MFN2: variants seen among roughly 807,000 people sequenced by gnomAD.
MFN2 encodes mitofusin 2.
MFN2 carries 43 observed loss-of-function variants against 87.5 expected under a neutral mutation model. That is an observed-to-expected ratio of 0.49 (90% CI 0.38 to 0.63). MFN2 has a LOEUF of 0.63. MFN2 is among the 30% of genes least tolerant of loss of function. The probability of loss-of-function intolerance (pLI) is 0.00; values close to 1 mark genes in which losing one functional copy is unlikely to be tolerated. For missense variants in MFN2, 743 were observed against 972.8 expected (o/e 0.76, Z 3.14); for synonymous variants, 337 against 359.9 (o/e 0.94, Z 0.72).
intron 15 of MFN2, 140 bp from the exon 16 acceptor site, chr1:12,006,398 G>A (rs1480698488): frequency 5.3e-6 from 6 of 1,123,006 alleles, no homozygotes; most frequent in Non-Finnish European, 5.1e-6. Context: ...TACATCTGAA[G>A]CTAGTTGTCC....
chr1:12,009,625 G>A lies in MFN2; in HGVS notation c.2103G>A (p.Gln701=). 2 of 1,614,232 alleles carry A rather than the reference G, an allele frequency of 1.2e-6. No homozygotes were observed. Among genetic ancestry groups the A allele is most frequent in the Non-Finnish European group, 1.7e-6 (2 of 1,180,040 alleles). ...ELSGTFAHLC[Q]QVDVTRENLE... ...CTGGGACCTTTGCTCATCTGTGTCAGCAAGTTGACGTCACCCGGGAGAACC... is the reference window on the plus strand; with the variant it reads ...CTGGGACCTTTGCTCATCTGTGTCAACAAGTTGACGTCACCCGGGAGAACC... Residue 701 remains glutamine, a synonymous_variant, in exon 18 of 19, where the codon CAG becomes CAA. Coordinates refer to ENST00000235329, the MANE Select transcript of MFN2 (RefSeq NM_014874.4).
chr1:11,991,923 C>CAAAAAAAAA (rs35314016), intron 3 of MFN2, among the ~76,000 whole-genome samples: 194 of 16,716 alleles, frequency 0.012, 12 homozygotes, highest in Non-Finnish European at 0.015. Flanking sequence ...GACTCCGTCT[C>CAAAAAAAAA]AAAAAAAAAA....
chr1:12,002,241 C>T lies in MFN2; in HGVS notation c.1160+138C>T, dbSNP rs1325136686. Reference sequence around the variant, plus strand: ...CCATCCAGAGCCCTTTCCCTGGCCACCAGACCATGTTAGAACCACATAGAC... The same window carrying T: ...CCATCCAGAGCCCTTTCCCTGGCCATCAGACCATGTTAGAACCACATAGAC... On this transcript the variant is annotated intron_variant, in intron 11 of 18. Transcript: ENST00000235329. 3.5e-6 allele frequency: 5 copies of T among 1,425,776 alleles called. No homozygotes were observed. The African/African-American group carries it at 5.6e-5, about 16-fold the overall frequency. 88.3% of individuals were successfully genotyped at this position (1,425,776 alleles called of 1,614,324 possible).
rs147802404 is a variant in MFN2 at position 12,006,549 on chromosome 1, C to T, written c.1728C>T (p.Pro576=). ...LMGYNDQVQR[P]IPLTPANPSM... is the part of the protein sequence containing the mutation. ...GTTTCTCTCCTCAGGTCCAGCGTCC[C>T]ATCCCTCTGACGCCAGCCAACCCCA... is the stretch of plus-strand genomic sequence containing the variant. The change falls in exon 16 of 19, where the codon CCC becomes CCT. Residue 576 remains proline, a synonymous_variant. Transcript: ENST00000235329. The T allele has an allele frequency of 5.9e-5, 96 of 1,614,220 alleles. 1 individual carries two copies. In the African/African-American group the frequency reaches 1.2e-3, roughly 20 times the overall value.
In MFN2 at chr1:12,004,951, C is replaced by G. The variant is rs1425529710; in HGVS notation, c.1495+24C>G. On this transcript the variant is annotated intron_variant, in intron 14 of 18. Transcript: ENST00000235329. The surrounding 1 kb of genome is among the most constrained non-coding windows in gnomAD (Gnocchi z 4.2). ...AGGTTAGTGCCCATGGGGAACTGGG[C>G]AGCTGTGGCCCTGGGCTGCCCAAAG... is the stretch of plus-strand genomic sequence containing the variant. The G allele has an allele frequency of 6.3e-7, 1 of 1,575,168 alleles. No individual in the cohort carries two copies. Among genetic ancestry groups the G allele is most frequent in the East Asian group, 2.3e-5 (1 of 42,912 alleles).
intron 18 of MFN2, among the ~76,000 whole-genome samples, chr1:12,010,063 A>AG (rs1346467660): frequency 1.3e-5 from 2 of 152,140 alleles, no homozygotes; most frequent in African/African-American, 4.8e-5. Flanking sequence ...CTGAGGCAGG[A>AG]GAATGGCTTG....
rs919333072 is a variant in MFN2, at chr1:12,011,678, A to T, written c.*113A>T. 2 of 1,101,024 alleles carry T rather than the reference A, an allele frequency of 1.8e-6. No homozygotes were observed. The highest frequency in any genetic ancestry group is 3.6e-5 in the Admixed American group (2 of 55,410). The allele number at this position is 1,101,024 out of a possible 1,614,324, so 68.2% of individuals were successfully genotyped here. On this transcript the variant is annotated 3_prime_UTR_variant, in exon 19 of 19. Coordinates refer to ENST00000235329, the MANE Select transcript of MFN2 (RefSeq NM_014874.4). The stretch of plus-strand genomic sequence containing the variant: ...CCTGCCCCCTGGCCACTGCCAAGAG[A>T]ATGAAGCACCCAGTCTCGTACCATT...
chr1:11,981,931 T>TTTTTTTC (rs1645993338), intron 1 of MFN2, 39 bp from the exon 2 acceptor site: 1 of 151,884 alleles, frequency 6.6e-6, no homozygotes, highest in Non-Finnish European at 1.5e-5. Context: ...TTTTTTTTTT[T>TTTTTTTC]TGGACACCGG....
At position 12,004,891 on chromosome 1, in the gene MFN2, A is replaced by G. The variant is rs961265542; in HGVS notation, c.1459A>G (p.Thr487Ala). The stretch of plus-strand genomic sequence containing the variant: ...GTCTGACCGCTGCTCCACGGCCATC[A>G]CCAACTCCCTGCAGACCATGCAGCA... Reference protein sequence around the residue: ...NMSDRCSTAITNSLQTMQQDM... With the variant: ...NMSDRCSTAIANSLQTMQQDM... The change falls in exon 14 of 19, where the codon ACC becomes GCC. Residue 487 changes from threonine (T) to alanine (A), a missense_variant. Thr to Ala is a moderately conservative substitution (Grantham distance 58, BLOSUM62 0). Around this residue, in one of 3 missense-constraint regions of MFN2, gnomAD observed 571 missense variants for 670.7 expected, o/e 0.85. Coordinates refer to ENST00000235329, the MANE Select transcript of MFN2 (RefSeq NM_014874.4). The surrounding 1 kb of genome is among the most constrained non-coding windows in gnomAD (Gnocchi z 4.2). The G allele has an allele frequency of 1.9e-6, 3 of 1,613,200 alleles. No individual in the cohort carries two copies. Among genetic ancestry groups the G allele is most frequent in the African/African-American group, 1.3e-5 (1 of 74,890 alleles).
chr1:12,010,383 A>G (rs764311989), intron 18 of MFN2, among the ~76,000 whole-genome samples: 15 of 152,204 alleles, frequency 9.9e-5, no homozygotes, highest in African/African-American at 1.9e-4. Context: ...CATTTTCTAC[A>G]TAGAAATGTT....
chr1:12,000,017 A>T lies in MFN2; in HGVS notation c.816+922A>T, dbSNP rs528161752. ...GAGGCTAAGGCAGGAGAACGGCGTG[A>T]ACCCGGGAGGTGGAGCTTGCAGTGA... is the stretch of plus-strand genomic sequence containing the variant. On this transcript the variant is annotated intron_variant, in intron 8 of 18. Transcript: ENST00000235329. 1.6e-3 allele frequency among the ~76,000 whole-genome samples: 240 copies of T among 151,810 alleles called. 1 individual carries two copies. Among genetic ancestry groups the T allele is most frequent in the African/African-American group, 5.6e-3 (232 of 41,494 alleles).
At chr1:11,984,994 C>T (rs1638331008) in intron 2 of MFN2, among the ~76,000 whole-genome samples, 1 of 152,210 alleles carries the variant, frequency 6.6e-6, no homozygotes, top group Admixed American at 6.5e-5. Context: ...CATGGGAACC[C>T]CAGCCTGAAG....
chr1:12,004,046 C>T lies in MFN2; in HGVS notation c.1215C>T (p.Asp405=). 6.2e-7 allele frequency: 1 copy of T among 1,614,210 alleles called. No individual in the cohort carries two copies. Among genetic ancestry groups the T allele is most frequent in the Non-Finnish European group, 8.5e-7 (1 of 1,180,036 alleles). Residue 405 remains aspartate, a synonymous_variant, in exon 12 of 19, where the codon GAC becomes GAT. Transcript: ENST00000235329. The surrounding 1 kb of genome is among the most constrained non-coding windows in gnomAD (Gnocchi z 4.2). The stretch of plus-strand genomic sequence containing the variant: ...GGCAAGACCGACTGAAATTTATTGA[C>T]AAACAGCTGGAGCTCTTGGCTCAAG... ...EERQDRLKFI[D]KQLELLAQDY... is the part of the protein sequence containing the mutation.
At chr1:12,011,307 G>A (rs906526039) in intron 18 of MFN2, among the ~76,000 whole-genome samples, 189 bp from the exon 19 acceptor site, 1 of 152,214 alleles carries the variant, frequency 6.6e-6, no homozygotes, top group South Asian at 2.1e-4. Flanking sequence ...CTTATTAGCC[G>A]TGTGGCCTTG....
chr1:11,998,151 G>A (rs1304572299), intron 6 of MFN2, among the ~76,000 whole-genome samples: 3 of 151,636 alleles, frequency 2.0e-5, no homozygotes, highest in East Asian at 2.0e-4. Context: ...CAAAGTGCTG[G>A]GATTACGGGC....
intron 6 of MFN2, among the ~76,000 whole-genome samples, chr1:11,998,133 T>TCC (rs1639009515): frequency 6.6e-6 from 1 of 151,366 alleles, no homozygotes. Flanking sequence ...CCGCCCACCT[T>TCC]AGCCTCCCAA....
At chr1:11,989,757 T>A (rs901369483) in intron 3 of MFN2, among the ~76,000 whole-genome samples, 15 of 152,210 alleles carry the variant, frequency 9.9e-5, no homozygotes, top group Non-Finnish European at 1.8e-4. Flanking sequence ...ACTGTTTGGG[T>A]GTCAGTGATC....
chr1:11,981,303 G>A (rs1350147902), intron 1 of MFN2, among the ~76,000 whole-genome samples: 9 of 152,162 alleles, frequency 5.9e-5, no homozygotes, highest in Non-Finnish European at 1.3e-4. Context: ...TCAGGAGTTG[G>A]AGACCAGCCT....
At position 11,998,086 on chromosome 1, in the gene MFN2, G is replaced by C. The variant is rs565808541; in HGVS notation, c.599+665G>C. The stretch of plus-strand genomic sequence containing the variant: ...TTTAGTAGAGACGGGGTTTCACCAT[G>C]TTGGCCAGGCTGGTCTTGAACTGCT... On this transcript the variant is annotated intron_variant, in intron 6 of 18. Coordinates refer to ENST00000235329, the MANE Select transcript of MFN2 (RefSeq NM_014874.4). Among the ~76,000 whole-genome samples, 7 of 151,120 alleles carry C rather than the reference G, an allele frequency of 4.6e-5. 1 individual carries two copies. The highest frequency in any genetic ancestry group is 1.7e-4 in the African/African-American group (7 of 41,284).
Sources: gnomAD v4.1 joint callset for allele counts (sites outside exome capture counted in the v4.1 genomes callset) on GRCh38, gnomAD v4.1.1 for gene constraint, gnomAD v4.1.1 regional missense constraint, Gnocchi (gnomAD v3.1) non-coding constraint, MANE v1.5 for transcripts, NCBI Gene and HGNC (gene_info 2026-07-23, HGNC 2026-07-21) for gene names.